The following CCDC77 variants were observed in gnomAD, a reference collection of about 807,000 sequenced individuals.
The protein encoded by CCDC77 is coiled-coil domain-containing protein 77.
A neutral mutation model predicts 66.8 loss-of-function variants in CCDC77; 56 were observed. The observed-to-expected ratio is 0.84, with a 90% CI of 0.68 to 1.05. The LOEUF (loss-of-function observed/expected upper bound fraction) is 1.05. CCDC77 is among the 50% of genes least tolerant of loss of function. The pLI is 0.00. For synonymous variants in CCDC77, 196 were observed against 195.2 expected (o/e 1.00, Z -0.03); for missense variants, 570 against 576.8 (o/e 0.99, Z 0.12).
At chr12:397,937 C>T (rs1353544236), upstream of CCDC77, among the ~76,000 whole-genome samples, 2 of 152,142 alleles carry the variant, frequency 1.3e-5, no homozygotes, top group Admixed American at 6.5e-5. Context: ...TGAGCCACCG[C>T]GACTGGCCTT....
At chr12:407,315 T>C (rs922315465) in intron 2 of CCDC77, among the ~76,000 whole-genome samples, 11 of 152,218 alleles carry the variant, frequency 7.2e-5, no homozygotes, top group African/African-American at 2.7e-4. Context: ...TTTGTCTGTT[T>C]GTCATAAACA....
At chr12:436,154 G>A (rs1222097874) in intron 9 of CCDC77, among the ~76,000 whole-genome samples, 1 of 124,628 alleles carries the variant, frequency 8.0e-6, no homozygotes, top group Non-Finnish European at 1.6e-5. Context: ...GTCTCGCTGT[G>A]TCGTCCAGGC....
intron 1 of CCDC77, among the ~76,000 whole-genome samples, chr12:394,829 G>A (rs991159327): frequency 3.3e-5 from 5 of 152,174 alleles, no homozygotes; most frequent in African/African-American, 1.2e-4. Flanking sequence ...GATTATACAT[G>A]CATTCAACAT....
chr12:411,786 T>G lies in CCDC77; in HGVS notation c.78T>G (p.Gly26=). The change falls in exon 4 of 13, where the codon GGT becomes GGG. Residue 26 remains glycine, a synonymous_variant. Transcript: ENST00000239830. ...CCAAACGTGGTGTTGCCGTCAGTGG[T>G]CCCACCAAGAGGAGGGGAATGGCAG... The part of the protein sequence containing the change: ...VVSKRGVAVS[G]PTKRRGMADS... The G allele has an allele frequency of 1.9e-6, 3 of 1,614,012 alleles. No individual in the cohort carries two copies. The highest frequency in any genetic ancestry group is 1.7e-6 in the Non-Finnish European group (2 of 1,179,972).
chr12:416,856 C>T (rs1945296067), intron 4 of CCDC77, among the ~76,000 whole-genome samples: 1 of 150,092 alleles, frequency 6.7e-6, no homozygotes, highest in Non-Finnish European at 1.5e-5. Context: ...GCCTGTAATC[C>T]CAGCACTTTG....
At chr12:411,032 C>T (rs1311422715) in intron 3 of CCDC77, among the ~76,000 whole-genome samples, 1 of 152,084 alleles carries the variant, frequency 6.6e-6, no homozygotes, top group Non-Finnish European at 1.5e-5. Context: ...CCCACCTCAG[C>T]CCCCTGAGTA....
At chr12:415,402 CAT>C (rs1193807579) in intron 4 of CCDC77, among the ~76,000 whole-genome samples, 3 of 63,552 alleles carry the variant, frequency 4.7e-5, no homozygotes, top group African/African-American at 1.6e-4. Flanking sequence ...ATATAATCAA[CAT>C]AATATGTTGA....
At chr12:399,724 TA>T (rs1263662850), upstream of CCDC77, among the ~76,000 whole-genome samples, 1 of 152,256 alleles carries the variant, frequency 6.6e-6, no homozygotes, top group African/African-American at 2.4e-5. Flanking sequence ...AACCATGCTA[TA>T]AACATATATG....
At chr12:413,080 A>G (rs1302225598) in intron 4 of CCDC77, among the ~76,000 whole-genome samples, 2 of 121,570 alleles carry the variant, frequency 1.6e-5, no homozygotes, top group South Asian at 5.5e-4. Context: ...CTGGGACTGC[A>G]GGCGCCCGCA....
intron 7 of CCDC77, among the ~76,000 whole-genome samples, chr12:430,981 G>C (rs1945638413): frequency 6.7e-6 from 1 of 150,302 alleles, no homozygotes. Flanking sequence ...TTGGGAGGCT[G>C]AGGCAGGAGG....
At chr12:400,874 C>T (rs905972337), upstream of CCDC77, among the ~76,000 whole-genome samples, 1 of 152,182 alleles carries the variant, frequency 6.6e-6, no homozygotes, top group Non-Finnish European at 1.5e-5. Flanking sequence ...ACAAACCTTA[C>T]ATTTGTAAAA....
chr12:416,185 C>T (rs1945252640), intron 4 of CCDC77, among the ~76,000 whole-genome samples: 1 of 150,956 alleles, frequency 6.6e-6, no homozygotes, highest in Non-Finnish European at 1.5e-5. Flanking sequence ...AAGCCATCCT[C>T]CCACTTTAAC....
intron 3 of CCDC77, among the ~76,000 whole-genome samples, chr12:411,269 G>T (rs1945104138): frequency 6.6e-6 from 1 of 151,828 alleles, no homozygotes; most frequent in South Asian, 2.1e-4. Flanking sequence ...TGCCTCCCAG[G>T]TTCAAGCGAT....
At chr12:435,524 G>A (rs998985209) in intron 9 of CCDC77, among the ~76,000 whole-genome samples, 4 of 152,216 alleles carry the variant, frequency 2.6e-5, no homozygotes, top group African/African-American at 9.6e-5. Context: ...GATATAGGCA[G>A]TTCTACATGG....
intron 5 of CCDC77, among the ~76,000 whole-genome samples, chr12:423,454 T>C (rs1456389267): frequency 6.9e-6 from 1 of 144,428 alleles, no homozygotes; most frequent in African/African-American, 2.6e-5. Context: ...CTTGTTATTT[T>C]CTGGGTGTTT....
intron 2 of CCDC77, among the ~76,000 whole-genome samples, chr12:407,665 C>T (rs1160671434): frequency 2.0e-5 from 3 of 151,854 alleles, no homozygotes; most frequent in African/African-American, 7.3e-5. Flanking sequence ...AAAGCTTTGA[C>T]GGAGTCAGGG....
chr12:434,490 T>A (rs148091001), intron 9 of CCDC77, among the ~76,000 whole-genome samples: 2,716 of 152,134 alleles, frequency 0.018, 52 homozygotes, highest in East Asian at 0.11. Context: ...GTAGCTGTGA[T>A]TACAGGCATG....
chr12:404,258 G>T (rs1260508342), intron 1 of CCDC77, among the ~76,000 whole-genome samples: 1 of 152,256 alleles, frequency 6.6e-6, no homozygotes. Context: ...GGAGGTTGCA[G>T]TGAGCCAAGA....
At chr12:412,460 G>A (rs549678041) in intron 4 of CCDC77, among the ~76,000 whole-genome samples, 13 of 152,314 alleles carry the variant, frequency 8.5e-5, no homozygotes, top group African/African-American at 3.1e-4. Flanking sequence ...TCCTATAGCA[G>A]GATTTCTTAA....
Sources: gnomAD v4.1 joint callset for allele counts (sites outside exome capture counted in the v4.1 genomes callset) on GRCh38, gnomAD v4.1.1 for gene constraint, MANE v1.5 for transcripts, NCBI Gene and HGNC (gene_info 2026-07-23, HGNC 2026-07-21) for gene names.